The following TXNRD1 variants were observed in gnomAD, a reference collection of about 807,000 sequenced individuals.
TXNRD1 encodes thioredoxin reductase 1, also known as thioredoxin reductase 1, cytoplasmic.
A neutral mutation model predicts 80.3 loss-of-function variants in TXNRD1; 57 were observed. That is an observed-to-expected ratio of 0.71 (90% CI 0.57 to 0.89). The LOEUF (loss-of-function observed/expected upper bound fraction) is 0.89. Ranked by LOEUF, TXNRD1 falls within the 40% of genes least tolerant of loss-of-function variation. The pLI is 0.00. For missense variants in TXNRD1, 730 were observed against 803.0 expected (o/e 0.91, Z 1.10); for synonymous variants, 291 against 285.2 (o/e 1.02, Z -0.20).
chr12:104,261,978 T>C (rs112547798), intron 3 of TXNRD1, among the ~76,000 whole-genome samples: 9,633 of 151,948 alleles, frequency 0.063, 415 homozygotes, highest in African/African-American at 0.11. Context: ...AAACTCCTGA[T>C]GTCAGGTGAT....
chr12:104,289,218 G>T, intron 4 of TXNRD1, 178 bp downstream of exon 4: 1 of 564,750 alleles, frequency 1.8e-6, no homozygotes, highest in Admixed American at 3.5e-5. Flanking sequence ...ATGAGACGTT[G>T]GACAAATTTC....
intron 3 of TXNRD1, among the ~76,000 whole-genome samples, chr12:104,269,872 C>T: frequency 6.6e-6 from 1 of 151,748 alleles, no homozygotes; most frequent in East Asian, 1.9e-4. Context: ...CCCAGCCCAC[C>T]CAGCTAATTT....
At chr12:104,254,618 T>A (rs12831134) in intron 2 of TXNRD1, among the ~76,000 whole-genome samples, 8 of 74,918 alleles carry the variant, frequency 1.1e-4, no homozygotes, top group Non-Finnish European at 1.9e-4. Flanking sequence ...ATAACAAGAC[T>A]CTATGTCTAT....
chr12:104,295,751 A>G (rs529108184), intron 4 of TXNRD1, among the ~76,000 whole-genome samples: 2 of 152,136 alleles, frequency 1.3e-5, no homozygotes, highest in Non-Finnish European at 2.9e-5. Flanking sequence ...TCCCACGACA[A>G]TCCCATAAGT....
intron 4 of TXNRD1, among the ~76,000 whole-genome samples, chr12:104,299,125 T>C (rs1041328943): frequency 4.5e-4 from 69 of 152,344 alleles, no homozygotes; most frequent in African/African-American, 1.6e-3. Flanking sequence ...CACAAGCTTT[T>C]TCCTCTTTAA....
chr12:104,267,221 A>G (rs940615387), intron 3 of TXNRD1, among the ~76,000 whole-genome samples: 1 of 68,480 alleles, frequency 1.5e-5, no homozygotes, highest in African/African-American at 5.3e-5. Context: ...ACCTTTATAT[A>G]TAGCTCTTTA....
intron 13 of TXNRD1, 92 bp from the exon 14 acceptor site, chr12:104,331,442 T>A: frequency 1.4e-6 from 1 of 728,348 alleles, no homozygotes; most frequent in Non-Finnish European, 2.3e-6. Flanking sequence ...TTATTACTCT[T>A]ATATCCTTTG....
chr12:104,316,491 A>C (rs981267751), intron 7 of TXNRD1, among the ~76,000 whole-genome samples: 1 of 152,034 alleles, frequency 6.6e-6, no homozygotes, highest in Non-Finnish European at 1.5e-5. Context: ...CCGGGTTCAC[A>C]CCATTCTCCT....
At chr12:104,265,888 C>T (rs1255609720) in intron 3 of TXNRD1, 12 of 941,782 alleles carry the variant, frequency 1.3e-5, no homozygotes, top group Admixed American at 9.5e-5. Context: ...AGGAACGCCC[C>T]GGTGGAAAAA....
intron 1 of TXNRD1, among the ~76,000 whole-genome samples, chr12:104,241,976 T>C (rs1210660536): frequency 8.3e-6 from 1 of 121,184 alleles, no homozygotes; most frequent in Non-Finnish European, 1.6e-5. Flanking sequence ...AGTCTCACTG[T>C]CGCCCAGACT....
At chr12:104,294,834 C>T (rs1392084840) in intron 4 of TXNRD1, among the ~76,000 whole-genome samples, 1 of 152,238 alleles carries the variant, frequency 6.6e-6, no homozygotes, top group African/African-American at 2.4e-5. Context: ...GAATAGACAT[C>T]AGGACATGAG....
chr12:104,263,275 T>C (rs1035050461), intron 3 of TXNRD1, among the ~76,000 whole-genome samples: 1 of 152,198 alleles, frequency 6.6e-6, no homozygotes, highest in Non-Finnish European at 1.5e-5. Flanking sequence ...AGTATTAGTA[T>C]ACAGGGTGGC....
chr12:104,281,685 C>G (rs2033882822), intron 3 of TXNRD1, among the ~76,000 whole-genome samples: 1 of 152,122 alleles, frequency 6.6e-6, no homozygotes, highest in Non-Finnish European at 1.5e-5. Context: ...GGATTACAGA[C>G]ATGAGCCACC....
chr12:104,228,837 A>G (rs1234395138), intron 1 of TXNRD1, among the ~76,000 whole-genome samples: 8 of 151,506 alleles, frequency 5.3e-5, no homozygotes, highest in Non-Finnish European at 5.9e-5. Context: ...CTCCTGCCTT[A>G]GCCTCCTGAG....
At chr12:104,285,145 G>A (rs1002701598) in intron 3 of TXNRD1, among the ~76,000 whole-genome samples, 4 of 152,148 alleles carry the variant, frequency 2.6e-5, no homozygotes, top group Non-Finnish European at 5.9e-5. Flanking sequence ...CTGCACTCCA[G>A]CCAGAGCAAC....
intron 3 of TXNRD1, among the ~76,000 whole-genome samples, chr12:104,281,037 C>T (rs1173093284): frequency 6.6e-6 from 1 of 152,108 alleles, no homozygotes; most frequent in Non-Finnish European, 1.5e-5. Flanking sequence ...CTTACATATC[C>T]AACTGCTTAG....
In TXNRD1 at chr12:104,327,609, C is replaced by T. The variant is rs1183023432; in HGVS notation, c.1480C>T (p.Pro494Ser). ...DILEDKVELT[P>S]VAIQAGRLLA... ...ATTGGAGGATAAGGTGGAGCTCACC[C>T]CAGTTGCAATCCAGGCAGGAAGATT... The change falls in exon 13 of 17, where the codon CCA becomes TCA. Residue 494 changes from proline (P) to serine (S), a missense_variant. Transcript: ENST00000525566. The T allele has an allele frequency of 3.7e-6, 6 of 1,613,482 alleles. No homozygotes were observed. The highest frequency in any genetic ancestry group is 5.1e-6 in the Non-Finnish European group (6 of 1,179,796).
At chr12:104,251,725 A>G (rs367793150) in intron 2 of TXNRD1, 47 bp downstream of exon 2, 7 of 1,594,288 alleles carry the variant, frequency 4.4e-6, no homozygotes, top group African/African-American at 2.7e-5. Context: ...AAGGAATTTG[A>G]CAGACTTTTG....
chr12:104,340,605 A>G (rs1171760214), intron 16 of TXNRD1, among the ~76,000 whole-genome samples: 1 of 152,164 alleles, frequency 6.6e-6, no homozygotes, highest in Non-Finnish European at 1.5e-5. Context: ...TTGCAGATGT[A>G]TCACTTTAAT....
Sources: allele counts gnomAD v4.1 joint callset (sites outside exome capture counted in the v4.1 genomes callset), GRCh38; gene constraint gnomAD v4.1.1; transcripts MANE v1.5; gene names NCBI Gene and HGNC (gene_info 2026-07-23, HGNC 2026-07-21).